Variants in GRIN2B observed in about 807,000 individuals in gnomAD.
GRIN2B encodes glutamate receptor ionotropic, NMDA 2B.
In GRIN2B, 5 loss-of-function variants were observed where a neutral mutation model predicts 114.5. The observed-to-expected ratio is 0.04, with a 90% CI of 0.02 to 0.09. The LOEUF is 0.09. GRIN2B is among the 10% of genes least tolerant of loss of function. The probability of loss-of-function intolerance (pLI) is 1.00; values close to 1 mark genes in which losing one functional copy is unlikely to be tolerated. For missense variants in GRIN2B, 1,108 were observed against 1,943.5 expected (o/e 0.57, Z 8.08); for synonymous variants, 787 against 745.1 (o/e 1.06, Z -0.92).
chr12:13,574,672 T>C (rs947026150), intron 10 of GRIN2B, among the ~76,000 whole-genome samples: 3 of 152,160 alleles, frequency 2.0e-5, no homozygotes, highest in Admixed American at 1.3e-4. Flanking sequence ...GCTCTTTATA[T>C]AGTAATTTTT....
chr12:13,633,353 T>G (rs888701271), intron 5 of GRIN2B, among the ~76,000 whole-genome samples: 1 of 152,218 alleles, frequency 6.6e-6, no homozygotes, highest in South Asian at 2.1e-4. Context: ...GCCTCACGCA[T>G]GCTAATGTTT....
At chr12:13,648,300 T>C (rs1368709193) in intron 5 of GRIN2B, among the ~76,000 whole-genome samples, 1 of 151,832 alleles carries the variant, frequency 6.6e-6, no homozygotes, top group Non-Finnish European at 1.5e-5. Context: ...AAACACAGGG[T>C]GAGTTTTACA....
At chr12:13,771,058 C>T (rs1237223457) in intron 3 of GRIN2B, among the ~76,000 whole-genome samples, 1 of 152,110 alleles carries the variant, frequency 6.6e-6, no homozygotes, top group Non-Finnish European at 1.5e-5. Context: ...CCAAAATTCC[C>T]ATATGTCATA....
At chr12:13,589,768 C>T (rs996447130) in intron 10 of GRIN2B, among the ~76,000 whole-genome samples, 31 of 152,018 alleles carry the variant, frequency 2.0e-4, no homozygotes, top group African/African-American at 7.5e-4. Flanking sequence ...CAGGAAAAAC[C>T]CTATGTGGTA....
chr12:13,573,822 A>C (rs1338486358), intron 10 of GRIN2B, among the ~76,000 whole-genome samples: 1 of 152,198 alleles, frequency 6.6e-6, no homozygotes, highest in African/African-American at 2.4e-5. Context: ...ACCAGGAGCC[A>C]TAAATGCCAT....
chr12:13,735,843 C>T (rs752877147), intron 4 of GRIN2B, among the ~76,000 whole-genome samples: 7 of 152,006 alleles, frequency 4.6e-5, no homozygotes, highest in East Asian at 3.9e-4. Context: ...CTGGGACAAC[C>T]GAGTGTGGAG....
chr12:13,747,026 G>A (rs1863398146), intron 4 of GRIN2B, among the ~76,000 whole-genome samples: 2 of 152,142 alleles, frequency 1.3e-5, no homozygotes, highest in African/African-American at 4.8e-5. Context: ...GAGCAATGCA[G>A]AATGGACTAT....
At chr12:13,960,685 C>T (rs1299571773) in intron 2 of GRIN2B, among the ~76,000 whole-genome samples, 4 of 152,226 alleles carry the variant, frequency 2.6e-5, no homozygotes, top group Non-Finnish European at 5.9e-5. Flanking sequence ...GGTGACCACA[C>T]TGAAAGCAGC....
chr12:13,724,360 A>T (rs899907641), intron 4 of GRIN2B, among the ~76,000 whole-genome samples: 1 of 152,170 alleles, frequency 6.6e-6, no homozygotes, highest in Non-Finnish European at 1.5e-5. Context: ...CACATGTAGG[A>T]GTGAACTTTG....
At chr12:13,802,833 A>T (rs1218487079) in intron 3 of GRIN2B, among the ~76,000 whole-genome samples, 1 of 152,148 alleles carries the variant, frequency 6.6e-6, no homozygotes, top group Non-Finnish European at 1.5e-5. Flanking sequence ...CTTGTCTTCT[A>T]GTTTTTCTCA....
intron 3 of GRIN2B, among the ~76,000 whole-genome samples, chr12:13,830,441 A>C (rs1865125044): frequency 6.6e-6 from 1 of 152,194 alleles, no homozygotes; most frequent in African/African-American, 2.4e-5. Flanking sequence ...TTCATTTCTT[A>C]ATGAACATGA....
At chr12:13,879,578 T>C (rs1866040120) in intron 2 of GRIN2B, among the ~76,000 whole-genome samples, 1 of 152,178 alleles carries the variant, frequency 6.6e-6, no homozygotes, top group East Asian at 1.9e-4. Flanking sequence ...AATAATATAG[T>C]TGCAATTTGG....
intron 3 of GRIN2B, among the ~76,000 whole-genome samples, chr12:13,831,346 A>G (rs1865142504): frequency 6.6e-6 from 1 of 152,346 alleles, no homozygotes; most frequent in South Asian, 2.1e-4. Context: ...CCATAGAACC[A>G]GTACAAGTAA....
chr12:13,563,035 G>T lies in GRIN2B; in HGVS notation c.4203C>A (p.Ser1401Arg), dbSNP rs772027875. 6.2e-7 allele frequency: 1 copy of T among 1,614,016 alleles called. No individual in the cohort carries two copies. The highest frequency in any genetic ancestry group is 1.1e-5 in the South Asian group (1 of 91,084). Residue 1401 changes from serine (S) to arginine (R), a missense_variant, in exon 14 of 14, where the codon AGC becomes AGA. Coordinates refer to ENST00000609686, the MANE Select transcript of GRIN2B (RefSeq NM_000834.5). ...FGDDQCLLHG[S>R]KSYFFRQPTV... The stretch of plus-strand genomic sequence containing the variant: ...TGGGCTGCCTGAAGAAGTAGGATTT[G>T]CTGCCATGGAGCAAGCACTGGTCGT...
chr12:13,713,993 G>T (rs1220165046), intron 4 of GRIN2B, among the ~76,000 whole-genome samples: 1 of 151,806 alleles, frequency 6.6e-6, no homozygotes, highest in African/African-American at 2.4e-5. Context: ...TAGACAAGAT[G>T]AGTATTGTTT....
intron 2 of GRIN2B, among the ~76,000 whole-genome samples, chr12:13,880,199 A>G (rs1289560151): frequency 6.6e-6 from 1 of 152,198 alleles, no homozygotes; most frequent in Non-Finnish European, 1.5e-5. Flanking sequence ...GCAGCTTTTG[A>G]GCTGGACTAA....
intron 4 of GRIN2B, among the ~76,000 whole-genome samples, chr12:13,728,394 T>C (rs1863028545): frequency 6.6e-6 from 1 of 152,138 alleles, no homozygotes; most frequent in Admixed American, 6.5e-5. Flanking sequence ...TATTTCATCA[T>C]CCAGCCACCA....
chr12:13,706,506 C>A (rs1253879327), intron 4 of GRIN2B, among the ~76,000 whole-genome samples: 3 of 152,122 alleles, frequency 2.0e-5, no homozygotes, highest in African/African-American at 4.8e-5. Context: ...TTCCAGGACA[C>A]CGACATGCCT....
chr12:13,709,198 C>T (rs930068505), intron 4 of GRIN2B, among the ~76,000 whole-genome samples: 11 of 152,066 alleles, frequency 7.2e-5, no homozygotes, highest in Middle Eastern at 3.4e-3. Flanking sequence ...TTCAAAGTGT[C>T]ACCAAACTGA....
Sources: gnomAD v4.1 joint callset for allele counts (sites outside exome capture counted in the v4.1 genomes callset) on GRCh38, gnomAD v4.1.1 for gene constraint, MANE v1.5 for transcripts, NCBI Gene and HGNC (gene_info 2026-07-23, HGNC 2026-07-21) for gene names.